Variants in AOPEP observed in about 807,000 individuals in gnomAD.
AOPEP encodes aminopeptidase O (putative).
AOPEP carries 77 observed loss-of-function variants against 98.1 expected under a neutral mutation model. The observed-to-expected ratio is 0.78, with a 90% CI of 0.65 to 0.95. AOPEP has a LOEUF of 0.95. Ranked by LOEUF, AOPEP falls within the 40% of genes least tolerant of loss-of-function variation. The pLI is 0.00. For missense variants in AOPEP, 1,024 were observed against 1,024.7 expected (o/e 1.00, Z 0.01); for synonymous variants, 346 against 365.3 (o/e 0.95, Z 0.60).
chr9:94,999,053 TA>T (rs1327099656), intron 11 of AOPEP, among the ~76,000 whole-genome samples: 2 of 152,140 alleles, frequency 1.3e-5, no homozygotes, highest in African/African-American at 4.8e-5. Context: ...ACTTTACTTC[TA>T]AACGTTGTTA....
chr9:94,971,380 C>A (rs756867768), intron 10 of AOPEP, among the ~76,000 whole-genome samples: 9 of 152,086 alleles, frequency 5.9e-5, no homozygotes, highest in Non-Finnish European at 8.8e-5. Context: ...AGCAGGTATA[C>A]CAGAATATAT....
intron 1 of AOPEP, among the ~76,000 whole-genome samples, chr9:94,735,970 G>C (rs540560591): frequency 6.6e-6 from 1 of 152,168 alleles, no homozygotes; most frequent in Non-Finnish European, 1.5e-5. Context: ...CTCAAGGTTC[G>C]TCCAGGTTGT....
At chr9:94,742,366 A>C (rs1564049568) in intron 1 of AOPEP, among the ~76,000 whole-genome samples, 10 of 152,130 alleles carry the variant, frequency 6.6e-5, no homozygotes. Flanking sequence ...GCCTACCCAC[A>C]GGCAGTAATT....
chr9:95,006,130 G>C (rs771802480), intron 13 of AOPEP: 1 of 470,702 alleles, frequency 2.1e-6, no homozygotes, highest in South Asian at 1.6e-5. Flanking sequence ...TAGAATTTCA[G>C]TATGTTACTT....
At chr9:95,077,313 A>T (rs2069176340) in intron 14 of AOPEP, among the ~76,000 whole-genome samples, 1 of 152,210 alleles carries the variant, frequency 6.6e-6, no homozygotes, top group African/African-American at 2.4e-5. Context: ...GCAGCCAGGA[A>T]GTGTGGCTTT....
At chr9:94,899,617 G>A (rs2050121918) in intron 5 of AOPEP, among the ~76,000 whole-genome samples, 1 of 151,834 alleles carries the variant, frequency 6.6e-6, no homozygotes, top group African/African-American at 2.4e-5. Context: ...AGACGTGGCG[G>A]TGTGCACCTG....
At chr9:95,001,335 G>A (rs1256853488) in intron 11 of AOPEP, among the ~76,000 whole-genome samples, 1 of 152,216 alleles carries the variant, frequency 6.6e-6, no homozygotes, top group East Asian at 1.9e-4. Context: ...GACAAAAAAA[G>A]TTTCTTAGAA....
At chr9:95,075,833 G>A (rs542066149) in intron 14 of AOPEP, among the ~76,000 whole-genome samples, 37 of 152,344 alleles carry the variant, frequency 2.4e-4, no homozygotes, top group African/African-American at 8.7e-4. Context: ...TCTGTGGTGA[G>A]CCACTGCAAT....
chr9:94,741,720 T>G (rs1833171061), intron 1 of AOPEP, among the ~76,000 whole-genome samples: 1 of 152,096 alleles, frequency 6.6e-6, no homozygotes, highest in Non-Finnish European at 1.5e-5. Context: ...TAAAAACAAC[T>G]CCAAAATCTT....
chr9:94,779,653 T>C (rs1052141237), intron 3 of AOPEP, among the ~76,000 whole-genome samples: 1 of 151,630 alleles, frequency 6.6e-6, no homozygotes, highest in East Asian at 1.9e-4. Context: ...ATTTATAATT[T>C]ATAATTTGAA....
the AOPEP span, among the ~76,000 whole-genome samples, chr9:95,148,882 T>C: frequency 2.0e-5 from 3 of 152,208 alleles, no homozygotes; most frequent in Non-Finnish European, 2.9e-5. Context: ...AGCAGAATTA[T>C]CCACAATGAT....
chr9:94,762,290 A>C (rs1047437391), intron 2 of AOPEP, among the ~76,000 whole-genome samples: 1 of 152,104 alleles, frequency 6.6e-6, no homozygotes, highest in Non-Finnish European at 1.5e-5. Context: ...TACTAAAAAT[A>C]CAAAAAATTA....
At chr9:95,040,856 A>G (rs1432625356) in intron 13 of AOPEP, among the ~76,000 whole-genome samples, 4 of 152,218 alleles carry the variant, frequency 2.6e-5, no homozygotes, top group Non-Finnish European at 5.9e-5. Context: ...AGATAAAAAT[A>G]TTGATCCAAG....
intron 5 of AOPEP, among the ~76,000 whole-genome samples, chr9:94,897,184 A>G (rs961458287): frequency 2.0e-5 from 3 of 152,162 alleles, no homozygotes; most frequent in Non-Finnish European, 4.4e-5. Context: ...AAAACATGTT[A>G]TAAAGATATA....
chr9:94,892,879 A>G (rs1037705089), intron 5 of AOPEP, among the ~76,000 whole-genome samples: 1 of 152,062 alleles, frequency 6.6e-6, no homozygotes, highest in Non-Finnish European at 1.5e-5. Context: ...TCACCTGACT[A>G]ATTGTTTCTT....
At chr9:94,973,926 T>G (rs1453229973) in intron 10 of AOPEP, among the ~76,000 whole-genome samples, 1 of 152,188 alleles carries the variant, frequency 6.6e-6, no homozygotes, top group Non-Finnish European at 1.5e-5. Context: ...CTGAATATCT[T>G]GATTTGAAAA....
chr9:95,087,982 C>G (rs1240670132), downstream of AOPEP, among the ~76,000 whole-genome samples: 1 of 152,140 alleles, frequency 6.6e-6, no homozygotes, highest in African/African-American at 2.4e-5. Flanking sequence ...ACTGGGAGGC[C>G]TTGGTCTCCA....
intron 1 of AOPEP, among the ~76,000 whole-genome samples, chr9:94,757,885 A>T (rs183516121): frequency 4.1e-4 from 63 of 152,356 alleles, no homozygotes; most frequent in African/African-American, 1.5e-3. Context: ...CTGATTACAT[A>T]GAAATAGCCA....
At chr9:94,752,229 C>T (rs965066888) in intron 1 of AOPEP, among the ~76,000 whole-genome samples, 1 of 152,080 alleles carries the variant, frequency 6.6e-6, no homozygotes, top group African/African-American at 2.4e-5. Context: ...GGGTCTGGAC[C>T]ATTAAGTGGT....
Sources: gnomAD v4.1 joint callset for allele counts (sites outside exome capture counted in the v4.1 genomes callset) on GRCh38, gnomAD v4.1.1 for gene constraint, MANE v1.5 for transcripts, NCBI Gene and HGNC (gene_info 2026-07-23, HGNC 2026-07-21) for gene names.